Variants in CAMK4 observed in about 807,000 individuals in gnomAD.
CAMK4 encodes the protein calcium/calmodulin-dependent protein kinase type IV.
In CAMK4, 22 loss-of-function variants were observed where a neutral mutation model predicts 44.9. That is an observed-to-expected ratio of 0.49 (90% CI 0.35 to 0.70). The LOEUF is 0.70. Ranked by LOEUF, CAMK4 falls within the 30% of genes least tolerant of loss-of-function variation. CAMK4 has a pLI of 0.01. For synonymous variants in CAMK4, 218 were observed against 215.4 expected (o/e 1.01, Z -0.11); for missense variants, 498 against 586.8 (o/e 0.85, Z 1.56).
intron 7 of CAMK4, among the ~76,000 whole-genome samples, chr5:111,456,728 A>T (rs2112993009): frequency 6.6e-6 from 1 of 152,250 alleles, no homozygotes; most frequent in East Asian, 1.9e-4. Flanking sequence ...TCCAAATAGT[A>T]GTTTTAGAAA....
chr5:111,317,392 C>T lies in CAMK4; in HGVS notation c.162-26632C>T, dbSNP rs115143945. Among the ~76,000 whole-genome samples, 654 of 152,140 alleles carry T rather than the reference C, an allele frequency of 4.3e-3. 4 individuals carry two copies. Among genetic ancestry groups the T allele is most frequent in the African/African-American group, 0.014 (594 of 41,510 alleles). ...TAAGTACACAACTGATATAAAATCACGGTAAAGCCTATGTTTTAAGAAAGA... is the reference window on the plus strand; with the variant it reads ...TAAGTACACAACTGATATAAAATCATGGTAAAGCCTATGTTTTAAGAAAGA... On this transcript the variant is annotated intron_variant, in intron 1 of 10. Coordinates refer to ENST00000282356, the MANE Select transcript of CAMK4 (RefSeq NM_001744.6).
rs75344807 is a variant in CAMK4, at chr5:111,446,226, T to C, written c.460-460T>C. Among the ~76,000 whole-genome samples the C allele has an allele frequency of 9.2e-5, 14 of 152,316 alleles. No individual in the cohort carries two copies. In the East Asian group the frequency reaches 2.7e-3, roughly 29 times the overall value. On this transcript the variant is annotated intron_variant, in intron 5 of 10. Coordinates refer to ENST00000282356, the MANE Select transcript of CAMK4 (RefSeq NM_001744.6). ...AGTTCTCTATAATAACTCACATCTATATGTCTAAAATACTCACATCTATAT... is the reference window on the plus strand; with the variant it reads ...AGTTCTCTATAATAACTCACATCTACATGTCTAAAATACTCACATCTATAT...
chr5:111,399,796 A>G (rs1752155850), intron 5 of CAMK4, among the ~76,000 whole-genome samples: 1 of 152,248 alleles, frequency 6.6e-6, no homozygotes, highest in East Asian at 1.9e-4. Flanking sequence ...CTTCCTCGGT[A>G]TGTTCTTTCT....
chr5:111,282,090 G>A (rs1479616340), intron 1 of CAMK4, among the ~76,000 whole-genome samples: 2 of 152,018 alleles, frequency 1.3e-5, no homozygotes, highest in Non-Finnish European at 2.9e-5. Flanking sequence ...TGGAATTAGG[G>A]CAATGACTTC....
chr5:111,340,478 T>A (rs1177864281), intron 1 of CAMK4, among the ~76,000 whole-genome samples: 1 of 151,456 alleles, frequency 6.6e-6, no homozygotes, highest in Non-Finnish European at 1.5e-5. Flanking sequence ...GAGATGATCA[T>A]GTGATTTGTC....
At chr5:111,237,798 A>G (rs1384258245) in intron 1 of CAMK4, among the ~76,000 whole-genome samples, 2 of 152,198 alleles carry the variant, frequency 1.3e-5, no homozygotes, top group Non-Finnish European at 1.5e-5. Flanking sequence ...AGGGGAAGGA[A>G]GACCTAAGGA....
intron 1 of CAMK4, among the ~76,000 whole-genome samples, chr5:111,242,421 C>A (rs1749043190): frequency 6.6e-6 from 1 of 152,162 alleles, no homozygotes; most frequent in African/African-American, 2.4e-5. Flanking sequence ...ATTTATATCT[C>A]TTAAATATAC....
At chr5:111,421,052 T>G (rs1753012764) in intron 5 of CAMK4, among the ~76,000 whole-genome samples, 1 of 152,198 alleles carries the variant, frequency 6.6e-6, no homozygotes, top group African/African-American at 2.4e-5. Context: ...TCTTTACAAT[T>G]TACTTTTAGA....
In CAMK4 at chr5:111,490,156, CTACT is replaced by C. The variant is rs1282164905; in HGVS notation, c.*5693_*5696del. 4 of 152,150 alleles carry C rather than the reference CTACT, an allele frequency of 2.6e-5. No individual in the cohort carries two copies. Among genetic ancestry groups the C allele is most frequent in the Non-Finnish European group, 5.9e-5 (4 of 68,040 alleles). The allele number at this position is 152,150 out of a possible 1,614,324, so 9.4% of individuals were successfully genotyped here. A position where few individuals can be genotyped will look rare whatever the true frequency, so the allele number is the denominator to read the frequency against. ...TTTCCATTTAAAAGATTATTTCAGG[CTACT>C]TAAATACAAGACCTTGCATTCTAAT... On this transcript the variant is annotated 3_prime_UTR_variant, in exon 11 of 11. Transcript: ENST00000282356.
intron 5 of CAMK4, among the ~76,000 whole-genome samples, chr5:111,438,694 G>A (rs1753729194): frequency 6.6e-6 from 1 of 152,082 alleles, no homozygotes; most frequent in African/African-American, 2.4e-5. Flanking sequence ...CACTGTAAAT[G>A]TTCAATTTAG....
intron 1 of CAMK4, among the ~76,000 whole-genome samples, chr5:111,343,314 T>A (rs1749718900): frequency 6.6e-6 from 1 of 151,760 alleles, no homozygotes; most frequent in African/African-American, 2.4e-5. Flanking sequence ...TTTACTGATC[T>A]TAAGCTGTTT....
intron 8 of CAMK4, among the ~76,000 whole-genome samples, chr5:111,476,116 G>T (rs1561511137): frequency 6.6e-6 from 1 of 150,784 alleles, no homozygotes; most frequent in Admixed American, 6.6e-5. Flanking sequence ...CTCTGGGGCT[G>T]TTTTTTTTTA....
At chr5:111,401,178 G>A (rs193287515) in intron 5 of CAMK4, among the ~76,000 whole-genome samples, 155 of 151,980 alleles carry the variant, frequency 1.0e-3, no homozygotes, top group East Asian at 4.3e-3. Flanking sequence ...TCGCTCTGTC[G>A]CCCAGGCTGG....
chr5:111,430,530 T>C (rs1021201835), intron 5 of CAMK4, among the ~76,000 whole-genome samples: 3 of 152,188 alleles, frequency 2.0e-5, no homozygotes, highest in African/African-American at 7.2e-5. Flanking sequence ...TGTTTGCTGA[T>C]TATATGATCT....
intron 5 of CAMK4, among the ~76,000 whole-genome samples, chr5:111,445,424 T>G (rs1024080592): frequency 6.6e-6 from 1 of 151,968 alleles, no homozygotes; most frequent in African/African-American, 2.4e-5. Flanking sequence ...TTTGGTTTTT[T>G]GTTTTTGTTT....
intron 1 of CAMK4, among the ~76,000 whole-genome samples, chr5:111,341,380 G>C (rs1473128665): frequency 6.6e-6 from 1 of 150,972 alleles, no homozygotes; most frequent in Non-Finnish European, 1.5e-5. Flanking sequence ...TTAATATAAG[G>C]TGTGAGGTAT....
intron 1 of CAMK4, among the ~76,000 whole-genome samples, chr5:111,267,539 C>T (rs534086636): frequency 2.8e-4 from 43 of 151,816 alleles, no homozygotes; most frequent in Non-Finnish European, 5.4e-4. Flanking sequence ...CCCGTCTCTA[C>T]TAAAAATACA....
At chr5:111,422,328 T>C (rs560008451) in intron 5 of CAMK4, among the ~76,000 whole-genome samples, 2 of 152,358 alleles carry the variant, frequency 1.3e-5, no homozygotes, top group Admixed American at 6.5e-5. Flanking sequence ...TTCATGGCTC[T>C]TTTCCTATGA....
intron 1 of CAMK4, among the ~76,000 whole-genome samples, chr5:111,288,898 G>C (rs2112620395): frequency 6.6e-6 from 1 of 152,348 alleles, no homozygotes; most frequent in South Asian, 2.1e-4. Flanking sequence ...CATTGTAGGA[G>C]AGAAAGGGGA....
Sources: gnomAD v4.1 joint callset for allele counts (sites outside exome capture counted in the v4.1 genomes callset) on GRCh38, gnomAD v4.1.1 for gene constraint, MANE v1.5 for transcripts, NCBI Gene and HGNC (gene_info 2026-07-23, HGNC 2026-07-21) for gene names.